Variants in FRMPD1 observed in about 807,000 individuals in gnomAD.
FRMPD1 encodes FERM and PDZ domain-containing protein 1.
A neutral mutation model predicts 117.8 loss-of-function variants in FRMPD1; 76 were observed. The observed-to-expected ratio is 0.65, with a 90% CI of 0.54 to 0.78. The LOEUF (loss-of-function observed/expected upper bound fraction) is 0.78. FRMPD1 is among the 30% of genes least tolerant of loss of function. The pLI is 0.00. For synonymous variants in FRMPD1, 783 were observed against 770.4 expected (o/e 1.02, Z -0.27); for missense variants, 1,786 against 1,964.5 (o/e 0.91, Z 1.72).
the FRMPD1 span, among the ~76,000 whole-genome samples, chr9:37,620,678 C>T: frequency 6.6e-6 from 1 of 152,006 alleles, no homozygotes; most frequent in Admixed American, 6.6e-5. Context: ...GTATCCTTTT[C>T]ATGTGTCTGT....
chr9:37,655,256 G>A (rs1444063344), intron 1 of FRMPD1, among the ~76,000 whole-genome samples: 1 of 152,148 alleles, frequency 6.6e-6, no homozygotes, highest in Non-Finnish European at 1.5e-5. Context: ...ACCAAGCCCT[G>A]TTATTTTTAC....
chr9:37,704,721 ATT>A, intron 2 of FRMPD1, among the ~76,000 whole-genome samples: 1 of 152,008 alleles, frequency 6.6e-6, no homozygotes, highest in South Asian at 2.1e-4. Flanking sequence ...AATGTTATTA[ATT>A]ATTATTGTCG....
At chr9:37,637,962 T>G in the FRMPD1 span, among the ~76,000 whole-genome samples, 1 of 90,592 alleles carries the variant, frequency 1.1e-5, no homozygotes, top group Non-Finnish European at 2.2e-5. Flanking sequence ...AAATGGTGTA[T>G]GCTTTCTTTC....
At chr9:37,691,249 T>G (rs1822127094) in intron 1 of FRMPD1, among the ~76,000 whole-genome samples, 1 of 152,208 alleles carries the variant, frequency 6.6e-6, no homozygotes. Flanking sequence ...CCTCTTATCT[T>G]CAGTAGGATG....
chr9:37,654,650 C>A (rs751043622), intron 1 of FRMPD1, among the ~76,000 whole-genome samples: 13 of 152,094 alleles, frequency 8.5e-5, no homozygotes, highest in Non-Finnish European at 1.3e-4. Flanking sequence ...AATAAAAGTT[C>A]AATTGAGGGT....
chr9:37,612,989 T>G, the FRMPD1 span, among the ~76,000 whole-genome samples: 1 of 152,172 alleles, frequency 6.6e-6, no homozygotes, highest in Non-Finnish European at 1.5e-5. Flanking sequence ...GGGAAGAACT[T>G]TAATGGCTAG....
intron 1 of FRMPD1, among the ~76,000 whole-genome samples, chr9:37,683,321 A>T (rs1563929638): frequency 1.3e-5 from 2 of 152,222 alleles, no homozygotes. Context: ...ACCTCAGAAA[A>T]AGAGATGTTT....
the FRMPD1 span, among the ~76,000 whole-genome samples, chr9:37,627,864 T>C: frequency 6.6e-6 from 1 of 152,140 alleles, no homozygotes; most frequent in Non-Finnish European, 1.5e-5. Flanking sequence ...TACCAAGTAA[T>C]GGGGAAAATG....
At chr9:37,673,001 C>T (rs1821406747) in intron 1 of FRMPD1, among the ~76,000 whole-genome samples, 1 of 152,146 alleles carries the variant, frequency 6.6e-6, no homozygotes. Flanking sequence ...CTTGGCCCCT[C>T]CAAATCTCAT....
chr9:37,715,640 C>T (rs1823085616), intron 5 of FRMPD1: 1 of 456,062 alleles, frequency 2.2e-6, no homozygotes, highest in Non-Finnish European at 4.4e-6. Flanking sequence ...TAGCTCATAT[C>T]CTTTGAATTG....
At chr9:37,659,931 A>ACC (rs1563921119) in intron 1 of FRMPD1, among the ~76,000 whole-genome samples, 16 of 150,184 alleles carry the variant, frequency 1.1e-4, no homozygotes, top group African/African-American at 3.7e-4. Context: ...AAAAAAAAAA[A>ACC]AAACAAAACT....
At chr9:37,716,497 C>T (rs1056326554) in intron 5 of FRMPD1, among the ~76,000 whole-genome samples, 1 of 152,214 alleles carries the variant, frequency 6.6e-6, no homozygotes, top group Non-Finnish European at 1.5e-5. Flanking sequence ...TAAGTCTACC[C>T]CAGTTCCTTC....
At chr9:37,623,982 T>C in the FRMPD1 span, among the ~76,000 whole-genome samples, 1 of 152,162 alleles carries the variant, frequency 6.6e-6, no homozygotes, top group South Asian at 2.1e-4. Flanking sequence ...GAGGTGCATA[T>C]GGTTCGGGGC....
At chr9:37,691,923 G>T (rs1175605168) in intron 1 of FRMPD1, among the ~76,000 whole-genome samples, 1 of 151,912 alleles carries the variant, frequency 6.6e-6, no homozygotes, top group African/African-American at 2.4e-5. Flanking sequence ...GAAAAGAAAA[G>T]AAAAGAAAAG....
At chr9:37,737,037 C>T (rs979428196) in intron 13 of FRMPD1, 59 bp from the exon 14 acceptor site, 8 of 1,361,002 alleles carry the variant, frequency 5.9e-6, no homozygotes, top group Middle Eastern at 1.8e-4. Context: ...GCTTTGTTGT[C>T]AGTCTTCAGA....
intron 1 of FRMPD1, among the ~76,000 whole-genome samples, chr9:37,656,934 G>GAA (rs11307017): frequency 6.8e-6 from 1 of 147,176 alleles, no homozygotes; most frequent in African/African-American, 2.5e-5. Flanking sequence ...TGGTGAAAAA[G>GAA]AAAAAAAAAA....
chr9:37,667,336 G>A (rs990725688), intron 1 of FRMPD1, among the ~76,000 whole-genome samples: 8 of 150,882 alleles, frequency 5.3e-5, no homozygotes, highest in Non-Finnish European at 1.2e-4. Context: ...AAAGTGCTGG[G>A]GTTACAGGCA....
chr9:37,619,817 C>T, the FRMPD1 span, among the ~76,000 whole-genome samples: 1 of 151,410 alleles, frequency 6.6e-6, no homozygotes, highest in South Asian at 2.1e-4. Flanking sequence ...ATGTGGGGAC[C>T]CTGCCGTATA....
chr9:37,637,080 T>G, the FRMPD1 span: 1 of 1,563,338 alleles, frequency 6.4e-7, no homozygotes, highest in Non-Finnish European at 8.8e-7. Context: ...GAAGTGATGG[T>G]CCAGAACCGT....
Sources: allele counts gnomAD v4.1 joint callset (sites outside exome capture counted in the v4.1 genomes callset), GRCh38; gene constraint gnomAD v4.1.1; transcripts MANE v1.5; gene names NCBI Gene and HGNC (gene_info 2026-07-23, HGNC 2026-07-21).